The following GRHL1 variants were observed in gnomAD, a reference collection of about 807,000 sequenced individuals.
The protein encoded by GRHL1 is grainyhead like transcription factor 1, also known as grainyhead-like protein 1 homolog.
GRHL1 carries 38 observed loss-of-function variants against 75.7 expected under a neutral mutation model. The observed-to-expected ratio is 0.50, with a 90% CI of 0.39 to 0.66. The LOEUF is 0.66. Among genes scored for constraint, GRHL1 ranks in the 30% least tolerant of loss-of-function variants. GRHL1 has a pLI of 0.00. For synonymous variants in GRHL1, 266 were observed against 279.4 expected (o/e 0.95, Z 0.48); for missense variants, 589 against 767.5 (o/e 0.77, Z 2.75).
intron 8 of GRHL1, among the ~76,000 whole-genome samples, chr2:9,976,829 T>G (rs759064096): frequency 2.0e-5 from 3 of 152,172 alleles, no homozygotes; most frequent in Non-Finnish European, 4.4e-5. Context: ...GTGTGTAGTA[T>G]TCACATTTGG....
At chr2:9,961,576 A>G (rs976576695) in intron 4 of GRHL1, 140 bp downstream of exon 4, 10 of 711,814 alleles carry the variant, frequency 1.4e-5, no homozygotes, top group Non-Finnish European at 2.3e-5. Context: ...TTAAGAGAAA[A>G]GGCCCATGGG....
At chr2:9,999,246 G>A (rs1669161912) in intron 15 of GRHL1, among the ~76,000 whole-genome samples, 1 of 152,182 alleles carries the variant, frequency 6.6e-6, no homozygotes, top group Non-Finnish European at 1.5e-5. Context: ...CCTGGGTGCT[G>A]GAATGTGGCT....
In GRHL1 at chr2:9,951,820, G is replaced by A. The variant is rs747412318; in HGVS notation, c.-14G>A. On this transcript the variant is annotated 5_prime_UTR_variant, in exon 1 of 16. Transcript: ENST00000324907. This position sits in a 1 kb window ranked among gnomAD's most constrained non-coding sequence, Gnocchi z 4.2. ...AAGTCCAGTTCTGCGGCCCGGCAGC[G>A]GCGAGCGGGCGCGATGACACAGGAG... 3 of 1,529,156 alleles carry A rather than the reference G, an allele frequency of 2.0e-6. No homozygotes were observed. Among genetic ancestry groups the A allele is most frequent in the Admixed American group, 3.9e-5 (2 of 51,496 alleles). The allele number at this position is 1,529,156 out of a possible 1,614,324, so 94.7% of individuals were successfully genotyped here.
At chr2:9,959,534 T>C (rs947690256) in intron 3 of GRHL1, 1 of 152,260 alleles carries the variant, frequency 6.6e-6, no homozygotes, top group Non-Finnish European at 1.5e-5. Flanking sequence ...TTCTTCTACT[T>C]AGTTTGTTTC....
chr2:9,981,235 C>G (rs1046272426), intron 8 of GRHL1, among the ~76,000 whole-genome samples: 1 of 152,230 alleles, frequency 6.6e-6, no homozygotes, highest in Non-Finnish European at 1.5e-5. Flanking sequence ...GCACTTCTCC[C>G]TCAGAACTTA....
At position 9,992,894 on chromosome 2, in the gene GRHL1, C is replaced by T. The variant is rs1198935297; in HGVS notation, c.1462-313C>T. Among the ~76,000 whole-genome samples, 6 of 152,152 alleles carry T rather than the reference C, an allele frequency of 3.9e-5. No homozygotes were observed. Among genetic ancestry groups the T allele is most frequent in the Admixed American group, 3.9e-4 (6 of 15,276 alleles). On this transcript the variant is annotated intron_variant, in intron 11 of 15. Coordinates refer to ENST00000324907, the MANE Select transcript of GRHL1 (RefSeq NM_198182.3). The surrounding 1 kb of genome is among the most constrained non-coding windows in gnomAD (Gnocchi z 4.6). ...TAAAGGTTTTCAGCTTTTGGGGCCC[C>T]GTGGTCTCCACTGTGCTGCTCAGTG...
chr2:9,995,823 A>C, intron 12 of GRHL1, 56 bp from the exon 13 acceptor site: 1 of 959,092 alleles, frequency 1.0e-6, no homozygotes, highest in Middle Eastern at 2.1e-4. Context: ...AAACACCTTA[A>C]TGTTGATGCA....
chr2:9,987,005 G>A lies in GRHL1; in HGVS notation c.1269+723G>A, dbSNP rs1371088809. Among the ~76,000 whole-genome samples, 1 of 150,812 alleles carries A rather than the reference G, an allele frequency of 6.6e-6. No individual in the cohort carries two copies. Among genetic ancestry groups the A allele is most frequent in the Non-Finnish European group, 1.5e-5 (1 of 67,868 alleles). On this transcript the variant is annotated intron_variant, in intron 9 of 15. Coordinates refer to ENST00000324907, the MANE Select transcript of GRHL1 (RefSeq NM_198182.3). The surrounding 1 kb of genome is among the most constrained non-coding windows in gnomAD (Gnocchi z 4.2). Reference sequence around the variant, plus strand: ...AGCTTTTTTTTTTTTTTGAGACAGAGTCTGGTGCTGTCGCCCATGCTGGAG... The same window carrying A: ...AGCTTTTTTTTTTTTTTGAGACAGAATCTGGTGCTGTCGCCCATGCTGGAG...
chr2:9,974,146 G>C (rs1459339276), intron 8 of GRHL1, among the ~76,000 whole-genome samples: 2 of 152,212 alleles, frequency 1.3e-5, no homozygotes, highest in Non-Finnish European at 2.9e-5. Context: ...GGAGTCAGGA[G>C]ACTTGGGTCC....
chr2:9,980,090 A>C (rs890053241), intron 8 of GRHL1, among the ~76,000 whole-genome samples: 1 of 151,890 alleles, frequency 6.6e-6, no homozygotes, highest in East Asian at 1.9e-4. Context: ...ATTCTCAGTT[A>C]CTTTCCCTAT....
chr2:9,971,480 T>C (rs1224191617), intron 8 of GRHL1, among the ~76,000 whole-genome samples: 1 of 152,228 alleles, frequency 6.6e-6, no homozygotes, highest in Non-Finnish European at 1.5e-5. Flanking sequence ...GCTTTTAGTG[T>C]CTCGGCAGAT....
At chr2:9,975,296 A>G (rs1163808303) in intron 8 of GRHL1, among the ~76,000 whole-genome samples, 1 of 152,242 alleles carries the variant, frequency 6.6e-6, no homozygotes, top group Admixed American at 6.5e-5. Flanking sequence ...TGTAACAGAA[A>G]GATAGTCACT....
At chr2:9,997,517 A>G (rs1314454478) in intron 14 of GRHL1, among the ~76,000 whole-genome samples, 1 of 152,028 alleles carries the variant, frequency 6.6e-6, no homozygotes, top group African/African-American at 2.4e-5. Flanking sequence ...ACCCTTCATC[A>G]TGTCTTAAGA....
intron 2 of GRHL1, among the ~76,000 whole-genome samples, chr2:9,957,688 C>A (rs1285965285): frequency 6.6e-6 from 1 of 152,154 alleles, no homozygotes; most frequent in African/African-American, 2.4e-5. Flanking sequence ...GGATTACAGG[C>A]GTGAGCCACC....
At chr2:9,978,891 T>C (rs775594569) in intron 8 of GRHL1, among the ~76,000 whole-genome samples, 2 of 152,028 alleles carry the variant, frequency 1.3e-5, no homozygotes, top group Non-Finnish European at 2.9e-5. Flanking sequence ...CATGGGAGGC[T>C]GAGGCAGGAG....
At chr2:9,974,033 T>C (rs949332286) in intron 8 of GRHL1, among the ~76,000 whole-genome samples, 1 of 152,220 alleles carries the variant, frequency 6.6e-6, no homozygotes, top group Admixed American at 6.5e-5. Context: ...CGCCCTTTTC[T>C]CTAAGTTCAT....
intron 8 of GRHL1, among the ~76,000 whole-genome samples, chr2:9,974,269 C>G (rs1558302554): frequency 6.6e-6 from 1 of 152,170 alleles, no homozygotes; most frequent in Non-Finnish European, 1.5e-5. Context: ...ATATTGAAAG[C>G]CAGAGACTAC....
intron 8 of GRHL1, among the ~76,000 whole-genome samples, chr2:9,980,085 C>G (rs1048528059): frequency 6.6e-6 from 1 of 151,770 alleles, no homozygotes; most frequent in Admixed American, 6.6e-5. Context: ...AATTGATTCT[C>G]AGTTACTTTC....
intron 8 of GRHL1, among the ~76,000 whole-genome samples, chr2:9,973,190 G>C (rs568354485): frequency 2.0e-5 from 3 of 152,162 alleles, no homozygotes; most frequent in African/African-American, 7.2e-5. Flanking sequence ...TATTTCTTGG[G>C]GGGTAGCATT....
Sources: allele counts gnomAD v4.1 joint callset (sites outside exome capture counted in the v4.1 genomes callset), GRCh38; gene constraint gnomAD v4.1.1; non-coding constraint Gnocchi (gnomAD v3.1); transcripts MANE v1.5; gene names NCBI Gene and HGNC (gene_info 2026-07-23, HGNC 2026-07-21).